DLGAP1: variants seen among roughly 807,000 people sequenced by gnomAD.
The protein encoded by DLGAP1 is DLG associated protein 1.
DLGAP1 carries 11 observed loss-of-function variants against 90.8 expected under a neutral mutation model. The observed-to-expected ratio is 0.12, with a 90% CI of 0.08 to 0.20. The LOEUF (loss-of-function observed/expected upper bound fraction) is 0.20. Ranked by LOEUF, DLGAP1 falls within the 10% of genes least tolerant of loss-of-function variation. The pLI is 1.00. For missense variants in DLGAP1, 1,050 were observed against 1,333.8 expected, an observed-to-expected ratio of 0.79 and a Z score of 3.31; for synonymous variants, 558 against 540.7, an observed-to-expected ratio of 1.03 and a Z score of -0.44.
chr18:3,601,439 G>GGT (rs112583120), intron 7 of DLGAP1, among the ~76,000 whole-genome samples: 5,611 of 148,064 alleles, frequency 0.038, 218 homozygotes, highest in East Asian at 0.19. Context: ...CATATGCAAG[G>GGT]GTGTGTGTGT....
At chr18:4,248,223 C>T (rs1333824129) in intron 1 of DLGAP1, among the ~76,000 whole-genome samples, 1 of 152,118 alleles carries the variant, frequency 6.6e-6, no homozygotes, top group Non-Finnish European at 1.5e-5. Context: ...AATGAGGAAA[C>T]AAGCATGAAT....
At chr18:4,359,208 G>T (rs1234115753) in intron 1 of DLGAP1, among the ~76,000 whole-genome samples, 1 of 152,284 alleles carries the variant, frequency 6.6e-6, no homozygotes, top group East Asian at 1.9e-4. Flanking sequence ...TGGCACCTCG[G>T]TATTTGAAAA....
At chr18:4,305,078 T>A (rs2143334570) in intron 1 of DLGAP1, among the ~76,000 whole-genome samples, 1 of 152,230 alleles carries the variant, frequency 6.6e-6, no homozygotes, top group African/African-American at 2.4e-5. Context: ...ATTAAAACAA[T>A]ATTTTTGTTC....
At chr18:4,189,615 T>C (rs2077358654) in intron 1 of DLGAP1, among the ~76,000 whole-genome samples, 1 of 152,074 alleles carries the variant, frequency 6.6e-6, no homozygotes, top group Non-Finnish European at 1.5e-5. Context: ...AAACAACCAA[T>C]TCCTAAGTTT....
At chr18:3,772,123 T>TC (rs2064591091) in intron 5 of DLGAP1, among the ~76,000 whole-genome samples, 1 of 151,086 alleles carries the variant, frequency 6.6e-6, no homozygotes, top group African/African-American at 2.5e-5. Flanking sequence ...TTCCTTTCTT[T>TC]CTTTTCTTTT....
intron 3 of DLGAP1, among the ~76,000 whole-genome samples, chr18:3,905,158 G>A (rs141341000): frequency 0.012 from 1,884 of 151,456 alleles, 25 homozygotes; most frequent in South Asian, 0.025. Flanking sequence ...ACGAGGTCAG[G>A]AGATTGAGAC....
intron 4 of DLGAP1, among the ~76,000 whole-genome samples, chr18:3,824,015 C>T (rs1247747248): frequency 6.8e-6 from 1 of 146,026 alleles, no homozygotes; most frequent in Non-Finnish European, 1.5e-5. Flanking sequence ...ATTTTTTCCA[C>T]TGACTATATA....
chr18:4,371,575 A>G (rs967373185), intron 1 of DLGAP1, among the ~76,000 whole-genome samples: 2 of 152,184 alleles, frequency 1.3e-5, no homozygotes, highest in African/African-American at 4.8e-5. Context: ...CTTTTTGGTC[A>G]CCCTTATAAC....
At chr18:4,272,020 A>AT (rs148025850) in intron 1 of DLGAP1, among the ~76,000 whole-genome samples, 6,234 of 152,030 alleles carry the variant, frequency 0.041, 156 homozygotes, top group African/African-American at 0.077. Flanking sequence ...TTCTTTATCC[A>AT]TTTTTTTCTT....
intron 3 of DLGAP1, among the ~76,000 whole-genome samples, chr18:3,880,681 G>A (rs911657319): frequency 1.2e-4 from 18 of 151,126 alleles, no homozygotes; most frequent in African/African-American, 3.9e-4. Context: ...GGTGGCTCAC[G>A]CCTGTAATCC....
At chr18:3,713,711 C>T (rs1050452714) in intron 7 of DLGAP1, among the ~76,000 whole-genome samples, 3 of 152,094 alleles carry the variant, frequency 2.0e-5, no homozygotes, top group African/African-American at 4.8e-5. Flanking sequence ...GTGGTCCTTC[C>T]TCTGATATGA....
intron 7 of DLGAP1, among the ~76,000 whole-genome samples, chr18:3,589,166 C>T (rs1050261895): frequency 4.0e-5 from 6 of 151,714 alleles, no homozygotes; most frequent in African/African-American, 9.7e-5. Flanking sequence ...CCAGCCTGGG[C>T]GACAGAATGA....
intron 1 of DLGAP1, among the ~76,000 whole-genome samples, chr18:4,279,213 A>G (rs2079491609): frequency 6.6e-6 from 1 of 152,248 alleles, no homozygotes; most frequent in African/African-American, 2.4e-5. Context: ...CTAACATGAA[A>G]CAGGGATAAT....
chr18:3,618,925 C>T (rs375004988), intron 7 of DLGAP1, among the ~76,000 whole-genome samples: 1 of 130,374 alleles, frequency 7.7e-6, no homozygotes, highest in Non-Finnish European at 1.6e-5. Flanking sequence ...GGTGACTGAG[C>T]GAGACTCCGT....
chr18:3,844,363 T>C (rs74460125), intron 4 of DLGAP1, among the ~76,000 whole-genome samples: 16 of 152,352 alleles, frequency 1.1e-4, no homozygotes, highest in Non-Finnish European at 2.1e-4. Context: ...TATGATAATT[T>C]CTTCCCCAGC....
intron 2 of DLGAP1, among the ~76,000 whole-genome samples, chr18:4,052,115 A>G (rs1179424242): frequency 2.0e-5 from 3 of 152,092 alleles, no homozygotes; most frequent in South Asian, 2.1e-4. Flanking sequence ...CCAGGCATAC[A>G]ATTCAAGCTG....
intron 1 of DLGAP1, among the ~76,000 whole-genome samples, chr18:4,254,431 C>T (rs1394244066): frequency 6.6e-6 from 1 of 152,194 alleles, no homozygotes; most frequent in Non-Finnish European, 1.5e-5. Context: ...AGCTTTATCA[C>T]TCAAAATGTT....
chr18:4,381,819 T>TA (rs1252609163), intron 1 of DLGAP1, among the ~76,000 whole-genome samples: 1 of 152,138 alleles, frequency 6.6e-6, no homozygotes, highest in East Asian at 1.9e-4. Context: ...ATGCTGCTGA[T>TA]AAAGACATAC....
intron 1 of DLGAP1, among the ~76,000 whole-genome samples, chr18:4,265,880 G>A (rs545631368): frequency 2.0e-5 from 3 of 151,438 alleles, no homozygotes; most frequent in Non-Finnish European, 4.4e-5. Flanking sequence ...GAGAGATAGG[G>A]TTTCCCTATG....
Sources: gnomAD v4.1 joint callset for allele counts (sites outside exome capture counted in the v4.1 genomes callset) on GRCh38, gnomAD v4.1.1 for gene constraint, MANE v1.5 for transcripts, NCBI Gene and HGNC (gene_info 2026-07-23, HGNC 2026-07-21) for gene names.